The following BNC2 variants were observed in gnomAD, a reference collection of about 807,000 sequenced individuals.
BNC2 encodes the protein basonuclin zinc finger protein 2.
In BNC2, 20 loss-of-function variants were observed where a neutral mutation model predicts 76.3. The ratio of observed to expected loss-of-function variants is 0.26; its 90% CI spans 0.18 to 0.38. BNC2 has a LOEUF of 0.38. BNC2 is among the 10% of genes least tolerant of loss of function. The pLI, the probability that BNC2 is intolerant of heterozygous loss-of-function variation, is 1.00. For synonymous variants in BNC2, 582 were observed against 514.8 expected, an observed-to-expected ratio of 1.13 and a Z score of -1.77; for missense variants, 1,382 against 1,399.8, an observed-to-expected ratio of 0.99 and a Z score of 0.20.
intron 3 of BNC2, among the ~76,000 whole-genome samples, chr9:16,715,961 C>T (rs1284672021): frequency 1.3e-5 from 2 of 152,124 alleles, no homozygotes; most frequent in Non-Finnish European, 2.9e-5. Flanking sequence ...AACATTCGTG[C>T]AAACCAAAGG....
intron 1 of BNC2, among the ~76,000 whole-genome samples, chr9:16,844,884 T>C (rs961157425): frequency 6.6e-6 from 1 of 152,190 alleles, no homozygotes; most frequent in Non-Finnish European, 1.5e-5. Flanking sequence ...TCACTGTATG[T>C]AAATTGTTCT....
intron 4 of BNC2, among the ~76,000 whole-genome samples, chr9:16,578,436 G>T (rs10123558): frequency 5.3e-5 from 8 of 151,318 alleles, no homozygotes; most frequent in Non-Finnish European, 1.0e-4. Context: ...TTTTTTTCAC[G>T]AAGACAGCAA....
chr9:16,570,366 CT>C (rs1819287690), intron 4 of BNC2, among the ~76,000 whole-genome samples: 1 of 152,178 alleles, frequency 6.6e-6, no homozygotes, highest in African/African-American at 2.4e-5. Context: ...GTAATTCAGG[CT>C]GAAATCTCAC....
intron 1 of BNC2, among the ~76,000 whole-genome samples, chr9:16,863,220 A>G (rs1400235327): frequency 6.6e-6 from 1 of 152,026 alleles, no homozygotes; most frequent in Non-Finnish European, 1.5e-5. Flanking sequence ...GCCCCATCTC[A>G]ATATATTCTA....
intron 5 of BNC2, among the ~76,000 whole-genome samples, chr9:16,535,014 T>C (rs1344886754): frequency 6.6e-6 from 1 of 152,162 alleles, no homozygotes; most frequent in Non-Finnish European, 1.5e-5. Context: ...GATCTGTAGA[T>C]AATAAAATGA....
intron 3 of BNC2, among the ~76,000 whole-genome samples, chr9:16,616,935 C>T (rs1820722829): frequency 6.6e-6 from 1 of 151,980 alleles, no homozygotes; most frequent in Non-Finnish European, 1.5e-5. Flanking sequence ...CTAGTTGCCA[C>T]CACTTGTGCA....
At chr9:16,793,618 C>A (rs1817570057) in intron 1 of BNC2, among the ~76,000 whole-genome samples, 1 of 147,712 alleles carries the variant, frequency 6.8e-6, no homozygotes, top group East Asian at 2.0e-4. Context: ...AGATTTCGAT[C>A]CCACCCAAAG....
intron 1 of BNC2, 21 bp from the exon 2 acceptor site, chr9:16,738,506 G>A: frequency 1.2e-6 from 2 of 1,613,476 alleles, no homozygotes; most frequent in Non-Finnish European, 1.7e-6. Flanking sequence ...ATTGGGAAAG[G>A]AAATTACATA....
At chr9:16,630,012 A>C (rs1821115983) in intron 3 of BNC2, among the ~76,000 whole-genome samples, 1 of 152,212 alleles carries the variant, frequency 6.6e-6, no homozygotes, top group South Asian at 2.1e-4. Context: ...TATCCACACT[A>C]GGACTTCTTT....
chr9:16,532,270 A>T (rs1487520131), intron 5 of BNC2, among the ~76,000 whole-genome samples: 1 of 152,032 alleles, frequency 6.6e-6, no homozygotes, highest in Non-Finnish European at 1.5e-5. Context: ...TTATTTTTGT[A>T]ATCTTTGTAA....
At chr9:16,630,563 T>C (rs1035973105) in intron 3 of BNC2, among the ~76,000 whole-genome samples, 2 of 152,172 alleles carry the variant, frequency 1.3e-5, no homozygotes, top group African/African-American at 4.8e-5. Flanking sequence ...CTTCTTAAAT[T>C]CCATTTTCTA....
At chr9:16,552,959 T>C (rs953889166) in intron 4 of BNC2, among the ~76,000 whole-genome samples, 194 bp from the exon 5 acceptor site, 1 of 152,172 alleles carries the variant, frequency 6.6e-6, no homozygotes, top group Admixed American at 6.5e-5. Flanking sequence ...ACCCCTTTTC[T>C]TTCCTATTTT....
chr9:16,503,903 A>G (rs1378263327), intron 5 of BNC2, among the ~76,000 whole-genome samples: 1 of 152,214 alleles, frequency 6.6e-6, no homozygotes, highest in African/African-American at 2.4e-5. Context: ...TTATGGTGAT[A>G]GTTATTAAGT....
chr9:16,866,801 T>C (rs1173170488), intron 1 of BNC2, among the ~76,000 whole-genome samples: 2 of 152,018 alleles, frequency 1.3e-5, no homozygotes, highest in East Asian at 1.9e-4. Context: ...AATAAAATCA[T>C]GAGGCTCCCT....
chr9:16,473,866 C>G (rs762041095), intron 5 of BNC2, among the ~76,000 whole-genome samples: 1 of 152,068 alleles, frequency 6.6e-6, no homozygotes, highest in East Asian at 1.9e-4. Flanking sequence ...CAGCGAGACT[C>G]TGTCTCAAAA....
chr9:16,471,121 G>A (rs756128921), intron 5 of BNC2, among the ~76,000 whole-genome samples: 1 of 152,132 alleles, frequency 6.6e-6, no homozygotes, highest in Non-Finnish European at 1.5e-5. Flanking sequence ...GTGAGACCTG[G>A]AGTCAAAGGA....
intron 3 of BNC2, among the ~76,000 whole-genome samples, chr9:16,652,391 G>A (rs187956973): frequency 6.6e-6 from 1 of 152,168 alleles, no homozygotes; most frequent in East Asian, 1.9e-4. Context: ...TGCCAAACCA[G>A]TCACTTAAAC....
At chr9:16,448,648 A>T (rs1404145443) in intron 5 of BNC2, among the ~76,000 whole-genome samples, 1 of 152,204 alleles carries the variant, frequency 6.6e-6, no homozygotes, top group African/African-American at 2.4e-5. Context: ...AACAGTGAGG[A>T]TTGAGTATTC....
At chr9:16,857,216 G>A (rs1034084507) in intron 1 of BNC2, among the ~76,000 whole-genome samples, 3 of 151,956 alleles carry the variant, frequency 2.0e-5, no homozygotes, top group South Asian at 2.1e-4. Context: ...AGTGGCTCAC[G>A]CATGTAATCC....
Sources: gnomAD v4.1 joint callset for allele counts (sites outside exome capture counted in the v4.1 genomes callset) on GRCh38, gnomAD v4.1.1 for gene constraint, MANE v1.5 for transcripts, NCBI Gene and HGNC (gene_info 2026-07-23, HGNC 2026-07-21) for gene names.